Variants in OR1J2 observed in about 807,000 individuals in gnomAD.
The protein encoded by OR1J2 is olfactory receptor family 1 subfamily J member 2.
For synonymous variants in OR1J2, 142 were observed against 99.7 expected (o/e 1.42, Z -2.52); for missense variants, 304 against 246.1 (o/e 1.24, Z -1.57).
chr9:122,522,313 T>G, the OR1J2 span, among the ~76,000 whole-genome samples: 85 of 152,322 alleles, frequency 5.6e-4, 2 homozygotes, highest in South Asian at 8.3e-4. Context: ...ACACTAATTC[T>G]TTCACAGTGT....
chr9:122,536,944 C>T, the OR1J2 span, among the ~76,000 whole-genome samples: 4 of 152,240 alleles, frequency 2.6e-5, no homozygotes, highest in African/African-American at 7.2e-5. Context: ...TAGTACCATG[C>T]TGTTTTCATT....
chr9:122,461,692 TG>T, the OR1J2 span, among the ~76,000 whole-genome samples: 1 of 152,020 alleles, frequency 6.6e-6, no homozygotes, highest in Non-Finnish European at 1.5e-5. Flanking sequence ...CATTCAGGAG[TG>T]GGTTATTTAA....
the OR1J2 span, among the ~76,000 whole-genome samples, chr9:122,492,601 T>G: frequency 6.6e-6 from 1 of 152,208 alleles, no homozygotes; most frequent in African/African-American, 2.4e-5. Flanking sequence ...TCTGAACTAA[T>G]TAACATTTCC....
At chr9:122,540,431 T>C in the OR1J2 span, among the ~76,000 whole-genome samples, 20 of 152,182 alleles carry the variant, frequency 1.3e-4, no homozygotes, top group African/African-American at 4.3e-4. Flanking sequence ...GTTGTAGATA[T>C]GCGGCATTAT....
the OR1J2 span, among the ~76,000 whole-genome samples, chr9:122,484,609 T>C: frequency 6.6e-6 from 1 of 152,064 alleles, no homozygotes; most frequent in Non-Finnish European, 1.5e-5. Context: ...AAGACACTAT[T>C]ATGAAGCACA....
chr9:122,453,634 A>T, the OR1J2 span, among the ~76,000 whole-genome samples: 1 of 152,186 alleles, frequency 6.6e-6, no homozygotes, highest in African/African-American at 2.4e-5. Flanking sequence ...TAATCATCGT[A>T]TTGGAAATTC....
the OR1J2 span, among the ~76,000 whole-genome samples, chr9:122,462,735 G>C: frequency 6.6e-6 from 1 of 152,096 alleles, no homozygotes; most frequent in South Asian, 2.1e-4. Context: ...GTTTATGGAG[G>C]CTAAAAATAG....
the OR1J2 span, chr9:122,576,631 G>C: frequency 3.9e-5 from 6 of 152,108 alleles, no homozygotes; most frequent in African/African-American, 1.4e-4. Flanking sequence ...TGAGAACCAG[G>C]TAGAACTCTG....
At chr9:122,466,143 A>G in the OR1J2 span, among the ~76,000 whole-genome samples, 1 of 152,174 alleles carries the variant, frequency 6.6e-6, no homozygotes, top group Non-Finnish European at 1.5e-5. Context: ...AGGCTCCTTG[A>G]TGTGACCCTG....
At chr9:122,564,724 G>T in the OR1J2 span, among the ~76,000 whole-genome samples, 2 of 152,160 alleles carry the variant, frequency 1.3e-5, no homozygotes, top group African/African-American at 4.8e-5. Flanking sequence ...CTGGTACCTG[G>T]TGTGTAGCTA....
chr9:122,456,663 C>G, the OR1J2 span, among the ~76,000 whole-genome samples: 1 of 152,046 alleles, frequency 6.6e-6, no homozygotes, highest in Non-Finnish European at 1.5e-5. Context: ...AAATCAAAAC[C>G]ACAATGAGAT....
chr9:122,528,763 T>A, the OR1J2 span, among the ~76,000 whole-genome samples: 13 of 152,180 alleles, frequency 8.5e-5, no homozygotes, highest in African/African-American at 2.9e-4. Context: ...TTAGTCCAAC[T>A]CCTCCCTTTG....
At chr9:122,564,029 AG>A in the OR1J2 span, among the ~76,000 whole-genome samples, 1 of 152,152 alleles carries the variant, frequency 6.6e-6, no homozygotes, top group African/African-American at 2.4e-5. Flanking sequence ...TTTTGAAGTC[AG>A]GTAGTGTGAT....
the OR1J2 span, chr9:122,448,976 A>G: frequency 1.0e-4 from 8 of 79,214 alleles, no homozygotes; most frequent in Middle Eastern, 5.9e-3. Context: ...CGTGTCTACA[A>G]AAAAAAAAAA....
At chr9:122,482,492 TATGATCCAGC>T in the OR1J2 span, among the ~76,000 whole-genome samples, 1 of 152,208 alleles carries the variant, frequency 6.6e-6, no homozygotes, top group East Asian at 1.9e-4. Context: ...AGAACTACCA[TATGATCCAGC>T]AATCTCACTA....
the OR1J2 span, among the ~76,000 whole-genome samples, chr9:122,534,291 T>C: frequency 3.9e-5 from 6 of 152,164 alleles, no homozygotes; most frequent in African/African-American, 1.4e-4. Context: ...GGAGTTTTAT[T>C]TAATGTCAGG....
the OR1J2 span, among the ~76,000 whole-genome samples, chr9:122,575,855 C>T: frequency 6.6e-6 from 1 of 152,188 alleles, no homozygotes; most frequent in Non-Finnish European, 1.5e-5. Context: ...CTTGTTCATG[C>T]TTCATGTCTG....
the OR1J2 span, among the ~76,000 whole-genome samples, chr9:122,489,188 C>G: frequency 6.6e-6 from 1 of 152,188 alleles, no homozygotes; most frequent in Admixed American, 6.5e-5. Flanking sequence ...GGGCATCAAA[C>G]CCAAATTAAA....
At chr9:122,451,423 G>A in the OR1J2 span, among the ~76,000 whole-genome samples, 1 of 152,038 alleles carries the variant, frequency 6.6e-6, no homozygotes, top group Non-Finnish European at 1.5e-5. Context: ...AACCTCAGGT[G>A]ATCCTCCAGC....
Sources: allele counts gnomAD v4.1 joint callset (sites outside exome capture counted in the v4.1 genomes callset), GRCh38; gene constraint gnomAD v4.1.1; transcripts MANE v1.5; gene names NCBI Gene and HGNC (gene_info 2026-07-23, HGNC 2026-07-21).